The following AGBL1 variants were observed in gnomAD, a reference collection of about 807,000 sequenced individuals.
The protein encoded by AGBL1 is AGBL carboxypeptidase 1.
In AGBL1, 130 loss-of-function variants were observed where a neutral mutation model predicts 118.9. The observed-to-expected ratio is 1.09, with a 90% CI of 0.95 to 1.26. The LOEUF is 1.26. Ranked by LOEUF, AGBL1 falls within the 50% of genes most tolerant of loss-of-function variation. The pLI, the probability that AGBL1 is intolerant of heterozygous loss-of-function variation, is 0.00. For missense variants in AGBL1, 1,584 were observed against 1,298.1 expected (o/e 1.22, Z -3.38); for synonymous variants, 555 against 478.9 (o/e 1.16, Z -2.08).
chr15:86,867,968 A>T (rs1596569178), intron 22 of AGBL1, among the ~76,000 whole-genome samples: 1 of 152,186 alleles, frequency 6.6e-6, no homozygotes, highest in Admixed American at 6.5e-5. Context: ...GTGAGCCCTT[A>T]TTTTGGTGTT....
intron 21 of AGBL1, chr15:86,630,825 A>G (rs1280059846): frequency 6.6e-6 from 1 of 152,212 alleles, no homozygotes; most frequent in Non-Finnish European, 1.5e-5. Context: ...TCCTTTCAAA[A>G]TGTAGAGGTA....
chr15:87,018,117 T>C (rs1254165983), intron 24 of AGBL1, among the ~76,000 whole-genome samples: 1 of 133,238 alleles, frequency 7.5e-6, no homozygotes, highest in Non-Finnish European at 1.5e-5. Flanking sequence ...AAATATGGGA[T>C]CATGTAAAGA....
chr15:86,416,171 T>C (rs1036325714), intron 18 of AGBL1, among the ~76,000 whole-genome samples: 19 of 152,166 alleles, frequency 1.2e-4, no homozygotes, highest in Non-Finnish European at 2.9e-5. Context: ...AAGATGTAAT[T>C]TGAGTAGAGA....
intron 21 of AGBL1, among the ~76,000 whole-genome samples, chr15:86,594,105 A>C (rs2084374881): frequency 1.3e-5 from 2 of 151,942 alleles, no homozygotes; most frequent in South Asian, 4.2e-4. Context: ...TTTTTATTTT[A>C]ATAGAGATGA....
chr15:86,416,246 T>C (rs2081693200), intron 18 of AGBL1, among the ~76,000 whole-genome samples: 1 of 152,236 alleles, frequency 6.6e-6, no homozygotes, highest in African/African-American at 2.4e-5. Flanking sequence ...AAGGGAACTG[T>C]ATTCATGGAA....
At chr15:86,144,762 T>C (rs901075013) in intron 3 of AGBL1, among the ~76,000 whole-genome samples, 1 of 152,150 alleles carries the variant, frequency 6.6e-6, no homozygotes, top group Non-Finnish European at 1.5e-5. Flanking sequence ...CAAACCCCCA[T>C]GACACAAGTT....
intron 23 of AGBL1, among the ~76,000 whole-genome samples, chr15:86,984,858 A>G (rs1056917665): frequency 1.3e-5 from 2 of 152,102 alleles, no homozygotes; most frequent in African/African-American, 4.8e-5. Flanking sequence ...TTAAACCACC[A>G]CTACAATATA....
At chr15:86,319,768 T>C (rs1200339039) in intron 17 of AGBL1, among the ~76,000 whole-genome samples, 1 of 79,208 alleles carries the variant, frequency 1.3e-5, no homozygotes, top group Non-Finnish European at 2.7e-5. Context: ...TTTTTTTTTT[T>C]TTTTTTTTTT....
intron 5 of AGBL1, among the ~76,000 whole-genome samples, chr15:86,172,194 T>C (rs201927919): frequency 6.6e-6 from 1 of 152,080 alleles, no homozygotes; most frequent in African/African-American, 2.4e-5. Flanking sequence ...AATAAAAAAA[T>C]TAAAATTGTG....
chr15:86,602,178 A>C (rs185311634), intron 21 of AGBL1, among the ~76,000 whole-genome samples: 4 of 152,276 alleles, frequency 2.6e-5, no homozygotes, highest in Non-Finnish European at 5.9e-5. Context: ...TGCCAGAGAA[A>C]ATCTAATCCT....
At chr15:86,430,723 A>G (rs1174139840) in intron 18 of AGBL1, among the ~76,000 whole-genome samples, 1 of 152,168 alleles carries the variant, frequency 6.6e-6, no homozygotes, top group Non-Finnish European at 1.5e-5. Context: ...TTTGCTCTGA[A>G]CAGTCCACAG....
intron 1 of AGBL1, among the ~76,000 whole-genome samples, chr15:86,100,110 T>A (rs559815452): frequency 2.6e-5 from 4 of 152,316 alleles, no homozygotes; most frequent in African/African-American, 9.6e-5. Flanking sequence ...GCTTTTATCC[T>A]TCTTTCTAAA....
chr15:86,121,077 T>A (rs1466228964), intron 1 of AGBL1, among the ~76,000 whole-genome samples: 2 of 152,186 alleles, frequency 1.3e-5, no homozygotes, highest in East Asian at 3.9e-4. Context: ...TTATATTTTT[T>A]AGTAGAGACA....
chr15:86,274,162 T>C (rs1296493792), intron 15 of AGBL1, among the ~76,000 whole-genome samples: 1 of 152,162 alleles, frequency 6.6e-6, no homozygotes, highest in Non-Finnish European at 1.5e-5. Flanking sequence ...TAAATAATAG[T>C]TTATATCTAC....
intron 18 of AGBL1, among the ~76,000 whole-genome samples, chr15:86,448,301 G>A (rs900116147): frequency 2.6e-5 from 4 of 152,144 alleles, no homozygotes; most frequent in African/African-American, 9.7e-5. Flanking sequence ...GCCATTTCCT[G>A]TCTCCTTTTT....
At chr15:86,986,608 T>C (rs911025609) in intron 23 of AGBL1, among the ~76,000 whole-genome samples, 1 of 152,166 alleles carries the variant, frequency 6.6e-6, no homozygotes, top group Non-Finnish European at 1.5e-5. Context: ...ATATCTGGTG[T>C]GCTTTAGACT....
At chr15:86,992,999 C>T (rs1357805371) in intron 24 of AGBL1, among the ~76,000 whole-genome samples, 1 of 152,066 alleles carries the variant, frequency 6.6e-6, no homozygotes, top group African/African-American at 2.4e-5. Flanking sequence ...TTGAATTAAG[C>T]AGAGGTCCTC....
chr15:86,496,230 GCT>G (rs2082853925), intron 18 of AGBL1, among the ~76,000 whole-genome samples: 1 of 151,904 alleles, frequency 6.6e-6, no homozygotes, highest in South Asian at 2.1e-4. Flanking sequence ...CTTCACACTT[GCT>G]CTCTCTCTCC....
intron 22 of AGBL1, among the ~76,000 whole-genome samples, chr15:86,798,272 G>A (rs564846729): frequency 6.6e-6 from 1 of 152,248 alleles, no homozygotes; most frequent in South Asian, 2.1e-4. Flanking sequence ...GTGGAACTCT[G>A]ACTACTAAGG....
Sources: allele counts gnomAD v4.1 joint callset (sites outside exome capture counted in the v4.1 genomes callset), GRCh38; gene constraint gnomAD v4.1.1; transcripts MANE v1.5; gene names NCBI Gene and HGNC (gene_info 2026-07-23, HGNC 2026-07-21).